Variants in FAF1 observed in about 807,000 individuals in gnomAD.
FAF1 encodes Fas associated factor 1, also known as FAS-associated factor 1.
Under a neutral mutation model 92.5 loss-of-function variants are expected in FAF1, and 25 were observed. That is an observed-to-expected ratio of 0.27 (90% CI 0.20 to 0.38). The LOEUF (loss-of-function observed/expected upper bound fraction) is 0.38, where lower values mean the gene tolerates loss of function less well. Among genes scored for constraint, FAF1 ranks in the 10% least tolerant of loss-of-function variants. FAF1 has a pLI of 1.00. For synonymous variants in FAF1, 234 were observed against 273.2 expected (o/e 0.86, Z 1.42); for missense variants, 636 against 793.3 (o/e 0.80, Z 2.38).
chr1:50,454,694 C>A (rs1486747432), intron 18 of FAF1, among the ~76,000 whole-genome samples: 2 of 152,212 alleles, frequency 1.3e-5, no homozygotes, highest in African/African-American at 4.8e-5. Context: ...GCAATGCCAA[C>A]CCTGTCTTTT....
intron 13 of FAF1, among the ~76,000 whole-genome samples, chr1:50,540,697 GAT>G (rs908601806): frequency 1.3e-5 from 2 of 152,182 alleles, no homozygotes; most frequent in Non-Finnish European, 2.9e-5. Context: ...GGTAGCTTAT[GAT>G]ATGTTTTCAG....
chr1:50,744,342 T>G (rs919018978), intron 5 of FAF1, among the ~76,000 whole-genome samples: 2 of 152,158 alleles, frequency 1.3e-5, no homozygotes, highest in African/African-American at 4.8e-5. Flanking sequence ...ATGTAATTGC[T>G]CAGAAAATTA....
intron 15 of FAF1, among the ~76,000 whole-genome samples, chr1:50,494,629 T>C (rs1646877657): frequency 6.6e-6 from 1 of 152,358 alleles, no homozygotes; most frequent in Admixed American, 6.5e-5. Context: ...CTTTGTAACA[T>C]ACTTGTCACT....
chr1:50,939,693 G>A (rs931483114), intron 1 of FAF1, among the ~76,000 whole-genome samples: 1 of 152,148 alleles, frequency 6.6e-6, no homozygotes. Flanking sequence ...TTCAAGGTAT[G>A]TTCCTTCCAT....
At chr1:50,794,852 G>A (rs556037051) in intron 3 of FAF1, among the ~76,000 whole-genome samples, 58 of 150,646 alleles carry the variant, frequency 3.9e-4, no homozygotes, top group Non-Finnish European at 5.3e-4. Flanking sequence ...GGCCAGGCTG[G>A]TCTTGAACTC....
rs34498946 is a variant in FAF1, at chr1:50,606,489, C to CTTTTT, written c.745-10278_745-10274dup. Among the ~76,000 whole-genome samples, 11 of 58,558 alleles carry CTTTTT rather than the reference C, an allele frequency of 1.9e-4. 1 individual carries two copies. The highest frequency in any genetic ancestry group is 2.8e-4 in the Non-Finnish European group (9 of 32,072). 38.4% of individuals were successfully genotyped at this position (58,558 alleles called of 152,430 possible). On this transcript the variant is annotated intron_variant, in intron 8 of 18. Coordinates refer to ENST00000396153, the MANE Select transcript of FAF1 (RefSeq NM_007051.3). Reference sequence around the variant, plus strand: ...AGATATATTGTAGCTGTGAGAGTTGCTTTTTTTTTTTTTTTTTTTTTTTTT... The same window carrying CTTTTT: ...AGATATATTGTAGCTGTGAGAGTTGCTTTTTTTTTTTTTTTTTTTTTTTTTTTTTT...
intron 17 of FAF1, among the ~76,000 whole-genome samples, chr1:50,481,188 T>C (rs986378279): frequency 2.6e-5 from 4 of 152,174 alleles, no homozygotes; most frequent in African/African-American, 7.2e-5. Context: ...GGTTTATTCA[T>C]TGCTGAAAAA....
At chr1:50,823,412 T>C (rs894237462) in intron 2 of FAF1, among the ~76,000 whole-genome samples, 1 of 152,098 alleles carries the variant, frequency 6.6e-6, no homozygotes, top group Non-Finnish European at 1.5e-5. Context: ...AGGAATAACA[T>C]AAGCACATAA....
intron 8 of FAF1, among the ~76,000 whole-genome samples, chr1:50,628,285 T>G (rs1008054160): frequency 6.6e-6 from 1 of 152,188 alleles, no homozygotes; most frequent in African/African-American, 2.4e-5. Flanking sequence ...GTGAAGAAAC[T>G]TATTTTACTC....
At chr1:50,755,036 A>G (rs1443750748) in intron 4 of FAF1, among the ~76,000 whole-genome samples, 1 of 152,186 alleles carries the variant, frequency 6.6e-6, no homozygotes, top group African/African-American at 2.4e-5. Flanking sequence ...AAACCATATC[A>G]TTCTGCCCCT....
rs1167334909 is a variant in FAF1, at chr1:50,840,557, A to C, written c.114+17372T>G. 3.9e-5 allele frequency among the ~76,000 whole-genome samples: 6 copies of C among 152,158 alleles called. No individual in the cohort carries two copies. In the East Asian group the frequency reaches 1.2e-3, roughly 29 times the overall value. On this transcript the variant is annotated intron_variant, in intron 2 of 18. Transcript: ENST00000396153. ...CTATACACTGCTAAAGGTATTAAAT[A>C]CACAGACATATAGAACTGTCAAAAT...
Position 50,499,872 on chromosome 1 carries a change from C to T in FAF1, c.1495-8071G>A, listed in dbSNP as rs563530449. On this transcript the variant is annotated intron_variant, in intron 15 of 18. Coordinates refer to ENST00000396153, the MANE Select transcript of FAF1 (RefSeq NM_007051.3). ...TTGGACCAGCCTATATTTCTATATA[C>T]TGGCAACAAATACTCAGAACTTACA... Among the ~76,000 whole-genome samples, 13 of 152,248 alleles carry T rather than the reference C, an allele frequency of 8.5e-5. No individual in the cohort carries two copies. The South Asian group carries it at 2.3e-3, about 27-fold the overall frequency.
intron 7 of FAF1, among the ~76,000 whole-genome samples, chr1:50,702,599 A>T (rs1657521038): frequency 6.6e-6 from 1 of 152,114 alleles, no homozygotes; most frequent in African/African-American, 2.4e-5. Context: ...CCCAACCAGG[A>T]GGATAATGTA....
At chr1:50,490,444 G>GAAA (rs1557966686) in intron 17 of FAF1, 144 bp downstream of exon 17, 1 of 386,588 alleles carries the variant, frequency 2.6e-6, no homozygotes, top group African/African-American at 2.7e-5. Context: ...AGGAAGGAAG[G>GAAA]AAGGAAGGAA....
In FAF1 at chr1:50,491,749, C is replaced by T. The variant is rs771971245; in HGVS notation, c.1547G>A (p.Arg516His). ...TGCTCTGTCAGCCTCAAGTGAAAGG[C>T]GATAGGCCTCATCTTGCTCTCTCTT... ...NVKREQDEAYRLSLEADRAKR... is the reference protein window; with the variant it reads ...NVKREQDEAYHLSLEADRAKR... The change falls in exon 16 of 19, where the codon CGC (arginine) becomes CAC (histidine). Residue 516 changes from arginine to histidine, a missense_variant. Arg to His is a conservative substitution (Grantham distance 29, BLOSUM62 0). Transcript: ENST00000396153. 7 of 1,612,692 alleles carry T rather than the reference C, an allele frequency of 4.3e-6. No homozygotes were observed. Among genetic ancestry groups the T allele is most frequent in the Non-Finnish European group, 5.1e-6 (6 of 1,179,440 alleles).
At chr1:50,609,140 G>A (rs972983854) in intron 8 of FAF1, among the ~76,000 whole-genome samples, 1 of 152,158 alleles carries the variant, frequency 6.6e-6, no homozygotes, top group Non-Finnish European at 1.5e-5. Context: ...TAGAGCCAAT[G>A]GTGAACAGTT....
chr1:50,625,793 C>T (rs1653471085), intron 8 of FAF1, among the ~76,000 whole-genome samples: 1 of 152,106 alleles, frequency 6.6e-6, no homozygotes, highest in Non-Finnish European at 1.5e-5. Context: ...GGAGTTTAGA[C>T]ATTATCTTGT....
At chr1:50,630,056 CA>C (rs56806783) in intron 8 of FAF1, among the ~76,000 whole-genome samples, 17,956 of 137,942 alleles carry the variant, frequency 0.13, 1,628 homozygotes, top group African/African-American at 0.28. Context: ...GCCTCTGTCT[CA>C]AAAAAAAAAA....
At chr1:50,652,862 T>A (rs1654927855) in intron 8 of FAF1, among the ~76,000 whole-genome samples, 1 of 152,222 alleles carries the variant, frequency 6.6e-6, no homozygotes, top group Non-Finnish European at 1.5e-5. Flanking sequence ...TAATGTCGAC[T>A]CATTTACTGA....
Sources: allele counts gnomAD v4.1 joint callset (sites outside exome capture counted in the v4.1 genomes callset), GRCh38; gene constraint gnomAD v4.1.1; transcripts MANE v1.5; gene names NCBI Gene and HGNC (gene_info 2026-07-23, HGNC 2026-07-21).